The following FAT1 variants were observed in gnomAD, a reference collection of about 807,000 sequenced individuals.
FAT1 encodes FAT atypical cadherin 1, also known as protocadherin Fat 1.
FAT1 carries 171 observed loss-of-function variants against 329.8 expected under a neutral mutation model. The ratio of observed to expected loss-of-function variants is 0.52; its 90% CI spans 0.46 to 0.59. The LOEUF (loss-of-function observed/expected upper bound fraction) is 0.59. FAT1 is among the 20% of genes least tolerant of loss of function. FAT1 has a pLI of 0.00. For missense variants in FAT1, 5,672 were observed against 5,774.4 expected (o/e 0.98, Z 0.57); for synonymous variants, 2,233 against 2,228.6 (o/e 1.00, Z -0.06).
intron 3 of FAT1, among the ~76,000 whole-genome samples, chr4:186,643,685 C>T (rs573367034): frequency 6.6e-5 from 10 of 152,222 alleles, no homozygotes; most frequent in African/African-American, 1.2e-4. Flanking sequence ...CCCCGGGGAA[C>T]GCTACCCGAA....
chr4:186,640,670 A>C (rs1027596749), intron 3 of FAT1, among the ~76,000 whole-genome samples: 7 of 152,250 alleles, frequency 4.6e-5, no homozygotes, highest in Admixed American at 3.3e-4. Context: ...CTAGAAAACA[A>C]ATTTCCTATC....
rs369221848 is a variant in FAT1 at position 186,618,545 on chromosome 4, G to A, written c.8041C>T (p.Pro2681Ser). ...FFVRAVDNGS[P>S]SKESVVLVYV... Reference sequence around the variant, plus strand: ...ACAAGAACAACAGATTCTTTTGATGGAGACCCATTATCCACAGCTCTAACA... The same window carrying A: ...ACAAGAACAACAGATTCTTTTGATGAAGACCCATTATCCACAGCTCTAACA... Residue 2681 changes from proline (P) to serine (S), a missense_variant, in exon 10 of 27, where the codon CCA (proline) becomes TCA (serine). Pro to Ser is a moderately conservative substitution (Grantham distance 74, BLOSUM62 -1). Transcript: ENST00000441802. 3.8e-5 allele frequency: 61 copies of A among 1,613,914 alleles called. No homozygotes were observed. The highest frequency in any genetic ancestry group is 4.5e-5 in the Non-Finnish European group (53 of 1,179,906).
At chr4:186,614,395 C>T (rs552445956) in intron 11 of FAT1, 51 bp from the exon 12 acceptor site, 1 of 1,229,114 alleles carries the variant, frequency 8.1e-7, no homozygotes, top group Admixed American at 2.8e-5. Context: ...ACAGGCAGCA[C>T]AAACATCAAG....
rs1484001653 is a variant in FAT1, at chr4:186,603,423, T to C, written c.11103A>G (p.Pro3701=). Residue 3701 remains proline (P), a synonymous_variant, in exon 19 of 27, where the codon CCA becomes CCG. Coordinates refer to ENST00000441802, the MANE Select transcript of FAT1 (RefSeq NM_005245.4). The part of the protein sequence containing the change: ...HLDVLLFVEK[P]GSAQISTKQL... ...GTTTTGTTGAGATCTGAGCACTACC[T>C]GGTTTCTCTACAAAAAGTAAGACGT... The C allele has an allele frequency of 6.2e-7, 1 of 1,614,014 alleles. No homozygotes were observed. Among genetic ancestry groups the C allele is most frequent in the Admixed American group, 1.7e-5 (1 of 60,032 alleles).
At chr4:186,634,113 T>C (rs1330384092) in intron 6 of FAT1, among the ~76,000 whole-genome samples, 2 of 152,188 alleles carry the variant, frequency 1.3e-5, no homozygotes, top group Non-Finnish European at 2.9e-5. Flanking sequence ...ATTTGCTTTT[T>C]CAGGGGTTCT....
chr4:186,724,004 C>A (rs1161551060), upstream of FAT1: 1 of 151,034 alleles, frequency 6.6e-6, no homozygotes, highest in Non-Finnish European at 1.5e-5. This position sits in a 1 kb window ranked among gnomAD's most constrained non-coding sequence, Gnocchi z 5.3. Flanking sequence ...CCCAAAGAGC[C>A]CCAGTCCCTG....
intron 6 of FAT1, among the ~76,000 whole-genome samples, chr4:186,634,057 C>T (rs940466313): frequency 3.3e-5 from 5 of 152,196 alleles, no homozygotes; most frequent in African/African-American, 1.2e-4. Context: ...AAGAAAGCAA[C>T]TCTGAAAACA....
Position 186,650,729 on chromosome 4 carries a change from A to C in FAT1, c.3581-10946T>G, listed in dbSNP as rs186213522. 4.0e-3 allele frequency among the ~76,000 whole-genome samples: 604 copies of C among 152,328 alleles called. 2 individuals are homozygous for C. Among genetic ancestry groups the C allele is most frequent in the Non-Finnish European group, 6.4e-3 (433 of 68,026 alleles). On this transcript the variant is annotated intron_variant, in intron 3 of 26. Coordinates refer to ENST00000441802, the MANE Select transcript of FAT1 (RefSeq NM_005245.4). Reference sequence around the variant, plus strand: ...CCTAATACCAGGAAAAATGAACATAAATTACATAAATAGGGAAGATATGAG... The same window carrying C: ...CCTAATACCAGGAAAAATGAACATACATTACATAAATAGGGAAGATATGAG...
intron 22 of FAT1, chr4:186,598,587 T>C (rs1738646314): frequency 6.5e-6 from 1 of 152,846 alleles, no homozygotes; most frequent in African/African-American, 2.4e-5. Flanking sequence ...TGGAGTGCAG[T>C]GGCGCAATCT....
chr4:186,663,759 T>C (rs1742299339), intron 2 of FAT1, 146 bp from the exon 3 acceptor site: 2 of 615,172 alleles, frequency 3.3e-6, no homozygotes, highest in Admixed American at 2.9e-5. Flanking sequence ...AGCCTTTCTG[T>C]GACTCAGCTT....
intron 19 of FAT1, 27 bp downstream of exon 19, chr4:186,603,149 C>T (rs374155712): frequency 1.9e-5 from 31 of 1,608,990 alleles, no homozygotes; most frequent in East Asian, 6.7e-5. Context: ...TCTGTGACAC[C>T]GACTTTCATA....
chr4:186,657,801 G>GCCAATTGTAAGTTGCATATCAACTCCC (rs1741974828), intron 3 of FAT1, among the ~76,000 whole-genome samples: 1 of 152,172 alleles, frequency 6.6e-6, no homozygotes. Context: ...ATTAATAAAT[G>GCCAATTGTAAGTTGCATATCAACTCCC]CCAATTGTAA....
Position 186,620,092 on chromosome 4 carries a change from G to A in FAT1, c.6494C>T (p.Ser2165Leu), listed in dbSNP as rs2126512302. The A allele has an allele frequency of 6.2e-7, 1 of 1,613,990 alleles. No individual in the cohort carries two copies. The highest frequency in any genetic ancestry group is 8.5e-7 in the Non-Finnish European group (1 of 1,179,888). The change falls in exon 10 of 27, where the codon TCA becomes TTA. Residue 2165 changes from serine to leucine, a missense_variant. This residue lies in a region of FAT1 where 3,966 missense variants were observed against 3,915.2 expected (regional missense o/e 1.01). Transcript: ENST00000441802. ...VAKDGGNPAF[S>L]AEVIVPITVM... ...AGTGATCGGAACGATAACTTCCGCT[G>A]AAAAGGCCGGGTTCCCTCCATCTTT...
At position 186,609,165 on chromosome 4, in the gene FAT1, T is replaced by G. The variant is rs770496986; in HGVS notation, c.10206+18A>C. ...TGTGGTGATTTGTAAACAACGTAAATCAACCTTTTTCACTTACCGTTTCTC... is the reference window on the plus strand; with the variant it reads ...TGTGGTGATTTGTAAACAACGTAAAGCAACCTTTTTCACTTACCGTTTCTC... On this transcript the variant is annotated intron_variant, in intron 16 of 26. Coordinates refer to ENST00000441802, the MANE Select transcript of FAT1 (RefSeq NM_005245.4). 90 of 1,609,638 alleles carry G rather than the reference T, an allele frequency of 5.6e-5. No individual in the cohort carries two copies. Among genetic ancestry groups the G allele is most frequent in the Non-Finnish European group, 7.3e-5 (86 of 1,178,148 alleles).
rs576253811 is a variant in FAT1 at position 186,603,756 on chromosome 4, G to A, written c.10770C>T (p.Phe3590=). The A allele has an allele frequency of 6.2e-7, 1 of 1,613,832 alleles. No homozygotes were observed. Among genetic ancestry groups the A allele is most frequent in the African/African-American group, 1.3e-5 (1 of 74,916 alleles). The change falls in exon 19 of 27, where the codon TTC becomes TTT. Residue 3590 remains phenylalanine (F), a synonymous_variant. Transcript: ENST00000441802. ...YSLDPQMDNL[F]SVSSTGGKLI... is the part of the protein sequence containing the mutation. ...GCTTGCCCCCTGTGCTGGAAACAGA[G>A]AACAGGTTGTCCATCTGAGGGTCGA...
chr4:186,666,042 G>T (rs13136679), intron 2 of FAT1, among the ~76,000 whole-genome samples: 4 of 123,128 alleles, frequency 3.2e-5, no homozygotes, highest in Non-Finnish European at 5.0e-5. Context: ...GTCGTGGGGT[G>T]GGGGGAGGGG....
rs756398778 is a variant in FAT1 at position 186,596,939 on chromosome 4, G to C, written c.12601C>G (p.Leu4201Val). The change falls in exon 25 of 27, where the codon CTC becomes GTC. Residue 4201 changes from leucine (L) to valine (V), a missense_variant. By Grantham distance (32) the Leu-to-Val change is conservative. Transcript: ENST00000441802. This position sits in a 1 kb window ranked among gnomAD's most constrained non-coding sequence, Gnocchi z 4.7. ...GIFLLVVVFVLCRKMISRKKK... is the reference protein window; with the variant it reads ...GIFLLVVVFVVCRKMISRKKK... ...TTCCGACTAATCATCTTACGGCAGA[G>C]AACAAACACCACCACCAGTAAAAAT... 45 of 1,613,870 alleles carry C rather than the reference G, an allele frequency of 2.8e-5. No individual in the cohort carries two copies. The Admixed American group carries it at 6.2e-4, about 22-fold the overall frequency.
At chr4:186,590,242 A>G (rs1332401772) in intron 26 of FAT1, 5 of 449,824 alleles carry the variant, frequency 1.1e-5, no homozygotes, top group African/African-American at 4.1e-5. Flanking sequence ...GCGCACACAC[A>G]TGCAGCCGTG....
Position 186,595,427 on chromosome 4 carries a change from A to G in FAT1, c.13138+262T>C, listed in dbSNP as rs1738452911. On this transcript the variant is annotated intron_variant, in intron 26 of 26. Transcript: ENST00000441802. Reference sequence around the variant, plus strand: ...TATTAACTGTTGTGAAAAAAAGCCAATATAAGATTAGTCGATCAGATCCTT... The same window carrying G: ...TATTAACTGTTGTGAAAAAAAGCCAGTATAAGATTAGTCGATCAGATCCTT... Among the ~76,000 whole-genome samples the G allele has an allele frequency of 1.3e-5, 2 of 152,156 alleles. 1 individual carries two copies. Among genetic ancestry groups the G allele is most frequent in the South Asian group, 4.1e-4 (2 of 4,832 alleles).
Sources: allele counts gnomAD v4.1 joint callset (sites outside exome capture counted in the v4.1 genomes callset), GRCh38; gene constraint gnomAD v4.1.1; regional missense constraint gnomAD v4.1.1; non-coding constraint Gnocchi (gnomAD v3.1); transcripts MANE v1.5; gene names NCBI Gene and HGNC (gene_info 2026-07-23, HGNC 2026-07-21).